PRDM16: variants seen among roughly 807,000 people sequenced by gnomAD.
PRDM16 encodes the protein histone-lysine N-methyltransferase PRDM16.
Under a neutral mutation model 110.6 loss-of-function variants are expected in PRDM16, and 23 were observed. The ratio of observed to expected loss-of-function variants is 0.21; its 90% CI spans 0.15 to 0.29. The LOEUF (loss-of-function observed/expected upper bound fraction) is 0.29, where lower values mean the gene tolerates loss of function less well. PRDM16 is among the 10% of genes least tolerant of loss of function. The pLI, the probability that PRDM16 is intolerant of heterozygous loss-of-function variation, is 1.00. For missense variants in PRDM16, 1,615 were observed against 1,794.3 expected (o/e 0.90, Z 1.81); for synonymous variants, 799 against 781.8 (o/e 1.02, Z -0.37).
intron 3 of PRDM16, among the ~76,000 whole-genome samples, chr1:3,321,301 AGT>A (rs1401430929): frequency 6.6e-6 from 1 of 151,430 alleles, no homozygotes; most frequent in Non-Finnish European, 1.5e-5. Flanking sequence ...CACATATGTG[AGT>A]GTGTCCATTT....
chr1:3,241,763 C>T (rs1639679907), intron 2 of PRDM16, among the ~76,000 whole-genome samples: 1 of 152,194 alleles, frequency 6.6e-6, no homozygotes, highest in East Asian at 1.9e-4. Context: ...GAAGATCAGG[C>T]GACCAAAAGT....
chr1:3,195,797 G>A (rs960408922), intron 2 of PRDM16, among the ~76,000 whole-genome samples: 3 of 152,178 alleles, frequency 2.0e-5, no homozygotes, highest in Admixed American at 6.5e-5. Flanking sequence ...AGGGTGCTCC[G>A]GAGCCTCCTG....
At chr1:3,154,034 G>T (rs887748275) in intron 1 of PRDM16, among the ~76,000 whole-genome samples, 2 of 152,192 alleles carry the variant, frequency 1.3e-5, no homozygotes, top group African/African-American at 4.8e-5. Context: ...TCAGCCCAGG[G>T]ACGGCGCTCC....
chr1:3,248,533 C>G lies in PRDM16; in HGVS notation c.438+4396C>G, dbSNP rs146929626. On this transcript the variant is annotated intron_variant, in intron 3 of 16. Transcript: ENST00000270722. ...AACCCTTCAGAAGCTTCGGAAAAAA[C>G]GCATCCACCCCAGCCAGCCCCTAGG... Among the ~76,000 whole-genome samples the G allele has an allele frequency of 3.8e-3, 573 of 152,280 alleles. 4 individuals carry two copies. The highest frequency in any genetic ancestry group is 0.013 in the African/African-American group (541 of 41,552).
chr1:3,430,396 C>G (rs541703303), intron 14 of PRDM16, among the ~76,000 whole-genome samples: 67 of 152,330 alleles, frequency 4.4e-4, no homozygotes, highest in African/African-American at 1.5e-3. Context: ...GGCCCTCACT[C>G]TCCAGATCCC....
At chr1:3,275,345 G>A (rs12760258) in intron 3 of PRDM16, among the ~76,000 whole-genome samples, 40,059 of 152,130 alleles carry the variant, frequency 0.26, 8,038 homozygotes, top group African/African-American at 0.55. Flanking sequence ...GGGGCACCCC[G>A]TCCCATAGAC....
At chr1:3,132,930 C>T (rs978091835) in intron 1 of PRDM16, 2 of 152,242 alleles carry the variant, frequency 1.3e-5, no homozygotes, top group East Asian at 1.9e-4. Context: ...CCCAGACTTA[C>T]AGAAGATGGA....
intron 2 of PRDM16, chr1:3,238,031 C>G (rs76584994): frequency 6.6e-6 from 1 of 152,472 alleles, no homozygotes; most frequent in Admixed American, 6.5e-5. Context: ...CAGTGCTGTT[C>G]CCTGCTCGGG....
intron 4 of PRDM16, chr1:3,396,226 G>A (rs1643384157): frequency 5.7e-6 from 3 of 529,992 alleles, no homozygotes; most frequent in Non-Finnish European, 1.1e-5. Context: ...CCCCCAGCTG[G>A]GAACTTTCAT....
chr1:3,145,961 G>A (rs1469767470), intron 1 of PRDM16, among the ~76,000 whole-genome samples: 1 of 152,212 alleles, frequency 6.6e-6, no homozygotes, highest in Non-Finnish European at 1.5e-5. Context: ...AATTCGCAAG[G>A]TGTGAGCAGC....
At position 3,289,355 on chromosome 1, in the gene PRDM16, C is replaced by T. The variant is rs376027496; in HGVS notation, c.438+45218C>T. Among the ~76,000 whole-genome samples the T allele has an allele frequency of 5.1e-4, 78 of 152,310 alleles. No individual in the cohort carries two copies. In the East Asian group the frequency reaches 7.9e-3, roughly 15 times the overall value. ...GCAAGCTCTCTGGTGTCCCGATGCC[C>T]GCCGGAGTCTGAACGCAGCCCCTGC... On this transcript the variant is annotated intron_variant, in intron 3 of 16. Coordinates refer to ENST00000270722, the MANE Select transcript of PRDM16 (RefSeq NM_022114.4).
intron 5 of PRDM16, among the ~76,000 whole-genome samples, chr1:3,398,345 G>T (rs1643417663): frequency 6.6e-6 from 1 of 152,010 alleles, no homozygotes; most frequent in South Asian, 2.1e-4. Flanking sequence ...ACACATAATA[G>T]CCCAACATCA....
At chr1:3,189,727 G>A (rs770375061) in intron 2 of PRDM16, among the ~76,000 whole-genome samples, 19 of 152,318 alleles carry the variant, frequency 1.2e-4, no homozygotes, top group Non-Finnish European at 2.4e-4. Context: ...CGGTGTTGTG[G>A]CCACTCTGAG....
rs138157267 is a variant in PRDM16 at position 3,085,276 on chromosome 1, G to A, written c.37+15980G>A. Among the ~76,000 whole-genome samples the A allele has an allele frequency of 4.4e-3, 672 of 152,298 alleles. 5 individuals carry two copies. The highest frequency in any genetic ancestry group is 0.024 in the Middle Eastern group (7 of 294). On this transcript the variant is annotated intron_variant, in intron 1 of 16. Coordinates refer to ENST00000270722, the MANE Select transcript of PRDM16 (RefSeq NM_022114.4). ...GGGTCTCAGAGTTTCCTAGAGCCACGGCTATGGTGGCCTTCGCTTGCTGGG... is the reference window on the plus strand; with the variant it reads ...GGGTCTCAGAGTTTCCTAGAGCCACAGCTATGGTGGCCTTCGCTTGCTGGG...
chr1:3,105,293 C>G (rs1475071755), intron 1 of PRDM16, among the ~76,000 whole-genome samples: 3 of 152,212 alleles, frequency 2.0e-5, no homozygotes, highest in African/African-American at 7.2e-5. Context: ...GGTCACAGCT[C>G]TGACACCCCG....
chr1:3,304,244 G>A (rs910938782), intron 3 of PRDM16, among the ~76,000 whole-genome samples: 2 of 151,274 alleles, frequency 1.3e-5, no homozygotes, highest in African/African-American at 2.4e-5. Flanking sequence ...GCTGGGGAGC[G>A]CAGGAGGCTG....
At chr1:3,356,279 C>T (rs796121383) in intron 3 of PRDM16, among the ~76,000 whole-genome samples, 31 of 152,304 alleles carry the variant, frequency 2.0e-4, no homozygotes, top group African/African-American at 7.5e-4. Context: ...AGCCCCCCTG[C>T]GCCAAGCCAC....
intron 2 of PRDM16, among the ~76,000 whole-genome samples, chr1:3,186,950 A>C (rs1362276267): frequency 3.9e-5 from 6 of 152,178 alleles, no homozygotes; most frequent in Non-Finnish European, 7.4e-5. Flanking sequence ...GTGGCCTAAG[A>C]GCAGCCTCAG....
intron 1 of PRDM16, among the ~76,000 whole-genome samples, chr1:3,112,906 C>T (rs570195717): frequency 2.6e-5 from 4 of 152,350 alleles, no homozygotes; most frequent in South Asian, 4.1e-4. Flanking sequence ...ATCCTTCTTG[C>T]GGGGAGAGCC....
Sources: allele counts gnomAD v4.1 joint callset (sites outside exome capture counted in the v4.1 genomes callset), GRCh38; gene constraint gnomAD v4.1.1; transcripts MANE v1.5; gene names NCBI Gene and HGNC (gene_info 2026-07-23, HGNC 2026-07-21).